Variants in CCNY observed in about 807,000 individuals in gnomAD.
The protein encoded by CCNY is cyclin-Y.
CCNY carries 19 observed loss-of-function variants against 42.8 expected under a neutral mutation model. That is an observed-to-expected ratio of 0.44 (90% CI 0.31 to 0.65). The LOEUF (loss-of-function observed/expected upper bound fraction) is 0.65. CCNY is among the 30% of genes least tolerant of loss of function. The probability of loss-of-function intolerance (pLI) is 0.07; values close to 1 mark genes in which losing one functional copy is unlikely to be tolerated. For synonymous variants in CCNY, 165 were observed against 162.7 expected (o/e 1.01, Z -0.11); for missense variants, 370 against 437.3 (o/e 0.85, Z 1.37).
chr10:35,424,145 A>T (rs1236439091), intron 1 of CCNY, among the ~76,000 whole-genome samples: 1 of 152,202 alleles, frequency 6.6e-6, no homozygotes, highest in South Asian at 2.1e-4. Context: ...CAGAGTAGTT[A>T]TGAGGATTGA....
intron 3 of CCNY, among the ~76,000 whole-genome samples, chr10:35,251,995 T>C (rs1002471759): frequency 1.3e-5 from 2 of 152,148 alleles, no homozygotes; most frequent in African/African-American, 4.8e-5. Context: ...TAAATATTTA[T>C]AGGCTTTGTA....
chr10:35,451,943 C>T (rs968435651), intron 1 of CCNY, among the ~76,000 whole-genome samples: 5 of 152,224 alleles, frequency 3.3e-5, no homozygotes, highest in Non-Finnish European at 5.9e-5. Context: ...CAGTCTCCTT[C>T]ACTCACAATT....
At chr10:35,420,908 G>T (rs933028406) in intron 1 of CCNY, among the ~76,000 whole-genome samples, 1 of 152,206 alleles carries the variant, frequency 6.6e-6, no homozygotes, top group Non-Finnish European at 1.5e-5. Context: ...AGTGAAAAAT[G>T]TATTGTTGTT....
chr10:35,479,656 C>T (rs1839616994), intron 1 of CCNY, among the ~76,000 whole-genome samples: 1 of 149,184 alleles, frequency 6.7e-6, no homozygotes, highest in Non-Finnish European at 1.5e-5. Context: ...ATACCTAATG[C>T]TAGATGACGA....
At chr10:35,284,876 A>T (rs1333871548) in intron 3 of CCNY, among the ~76,000 whole-genome samples, 8 of 152,120 alleles carry the variant, frequency 5.3e-5, no homozygotes, top group Admixed American at 5.2e-4. Flanking sequence ...TTGATCCATG[A>T]ACAATTTAGA....
intron 1 of CCNY, among the ~76,000 whole-genome samples, chr10:35,439,599 CT>C (rs1448247279): frequency 2.6e-5 from 4 of 151,258 alleles, no homozygotes; most frequent in African/African-American, 9.7e-5. Flanking sequence ...CTTATTATGG[CT>C]GCTTTAAAAT....
At position 35,263,639 on chromosome 10, in the gene CCNY, C is replaced by T. The variant is rs547774868; in HGVS notation, c.-9+13013C>T. 3.9e-5 allele frequency among the ~76,000 whole-genome samples: 6 copies of T among 152,064 alleles called. No individual in the cohort carries two copies. In the South Asian group the frequency reaches 1.2e-3, roughly 32 times the overall value. On this transcript the variant is annotated intron_variant, in intron 3 of 11. Coordinates refer to the CCNY transcript ENST00000374706. ...AAAAGGTAAAATACATCATTAAAGACATTTTTACTTTCTTTTTTAAATTAT... is the reference window on the plus strand; with the variant it reads ...AAAAGGTAAAATACATCATTAAAGATATTTTTACTTTCTTTTTTAAATTAT...
intron 4 of CCNY, among the ~76,000 whole-genome samples, chr10:35,518,587 TGTGA>T (rs983014227): frequency 8.3e-6 from 1 of 120,518 alleles, no homozygotes; most frequent in Admixed American, 7.9e-5. Flanking sequence ...TGAGGTATGC[TGTGA>T]GTATCTGGAT....
At position 35,428,104 on chromosome 10, in the gene CCNY, TTATG is replaced by T. The variant is rs546644181; in HGVS notation, c.155-55296_155-55293del. Among the ~76,000 whole-genome samples, 57 of 152,342 alleles carry T rather than the reference TTATG, an allele frequency of 3.7e-4. 2 individuals carry two copies. The East Asian group carries it at 0.01, about 28-fold the overall frequency. ...CTTTCATTCATTTAATGGATATTCA[TTATG>T]TATTTACTGCATAGCAGGCATTGAG... On this transcript the variant is annotated intron_variant, in intron 1 of 9. Coordinates refer to ENST00000374704, the MANE Select transcript of CCNY (RefSeq NM_145012.6).
chr10:35,266,777 C>A (rs2095725978), intron 3 of CCNY, among the ~76,000 whole-genome samples: 1 of 152,054 alleles, frequency 6.6e-6, no homozygotes, highest in Non-Finnish European at 1.5e-5. Context: ...CTTTCTAGGG[C>A]TCTCCTTGAA....
chr10:35,428,795 G>A (rs1203259844), intron 1 of CCNY, among the ~76,000 whole-genome samples: 3 of 152,160 alleles, frequency 2.0e-5, no homozygotes, highest in Non-Finnish European at 4.4e-5. Context: ...GTTTAGAGAT[G>A]TGTTGGGTGC....
At chr10:35,280,364 A>G (rs1393853161) in intron 3 of CCNY, among the ~76,000 whole-genome samples, 1 of 135,384 alleles carries the variant, frequency 7.4e-6, no homozygotes, top group Non-Finnish European at 1.6e-5. Context: ...AAAGAAAGAA[A>G]GGAAGAAAGG....
intron 2 of CCNY, among the ~76,000 whole-genome samples, chr10:35,495,406 G>A (rs1839985245): frequency 6.6e-6 from 1 of 152,188 alleles, no homozygotes; most frequent in Non-Finnish European, 1.5e-5. Flanking sequence ...GGCAGCTTAG[G>A]TGGATATTTG....
At position 35,437,969 on chromosome 10, in the gene CCNY, C is replaced by A. The variant is rs550890196; in HGVS notation, c.155-45435C>A. Among the ~76,000 whole-genome samples the A allele has an allele frequency of 4.9e-4, 75 of 152,200 alleles. 1 individual carries two copies. The highest frequency in any genetic ancestry group is 6.8e-3 in the Middle Eastern group (2 of 294). ...ACAGGAAAACTTGTCCCCTTCACCC[C>A]ACAGCCTACTCTGATCGCTGGATGC... On this transcript the variant is annotated intron_variant, in intron 1 of 9. Coordinates refer to ENST00000374704, the MANE Select transcript of CCNY (RefSeq NM_145012.6).
chr10:35,429,402 A>G lies in CCNY; in HGVS notation c.155-54002A>G, dbSNP rs564993295. Among the ~76,000 whole-genome samples, 385 of 152,314 alleles carry G rather than the reference A, an allele frequency of 2.5e-3. 4 individuals are homozygous for G. The highest frequency in any genetic ancestry group is 9.1e-3 in the African/African-American group (377 of 41,564). On this transcript the variant is annotated intron_variant, in intron 1 of 9. Coordinates refer to ENST00000374704, the MANE Select transcript of CCNY (RefSeq NM_145012.6). ...ATATCATTAAAATTTCTCAGTTTTAATTTCCAATTTCATAAATACCAAAAG... is the reference window on the plus strand; with the variant it reads ...ATATCATTAAAATTTCTCAGTTTTAGTTTCCAATTTCATAAATACCAAAAG...
At chr10:35,350,190 G>T (rs1836397209) in intron 1 of CCNY, among the ~76,000 whole-genome samples, 1 of 152,190 alleles carries the variant, frequency 6.6e-6, no homozygotes. Flanking sequence ...GTAGCTTTCT[G>T]TGTGCACTTG....
intron 3 of CCNY, among the ~76,000 whole-genome samples, chr10:35,506,377 T>C (rs927347119): frequency 4.6e-5 from 7 of 152,168 alleles, no homozygotes; most frequent in Non-Finnish European, 8.8e-5. Flanking sequence ...GGTAGGTGTT[T>C]TGTTATTTTC....
chr10:35,300,510 G>C (rs1428728697), intron 3 of CCNY, among the ~76,000 whole-genome samples: 2 of 152,132 alleles, frequency 1.3e-5, no homozygotes, highest in Non-Finnish European at 2.9e-5. Flanking sequence ...AGTAGGGCAA[G>C]TCCAGTACCA....
At chr10:35,253,420 T>A (rs1414018297) in intron 3 of CCNY, among the ~76,000 whole-genome samples, 4 of 105,722 alleles carry the variant, frequency 3.8e-5, no homozygotes, top group African/African-American at 9.9e-5. Flanking sequence ...CACTATTTTT[T>A]TTTTTTTTTT....
Sources: allele counts gnomAD v4.1 joint callset (sites outside exome capture counted in the v4.1 genomes callset), GRCh38; gene constraint gnomAD v4.1.1; transcripts MANE v1.5; gene names NCBI Gene and HGNC (gene_info 2026-07-23, HGNC 2026-07-21).